The following DNASE1 variants were observed in gnomAD, a reference collection of about 807,000 sequenced individuals.
DNASE1 encodes deoxyribonuclease-1.
Under a neutral mutation model 33.9 loss-of-function variants are expected in DNASE1, and 40 were observed. That is an observed-to-expected ratio of 1.18 (90% confidence interval 0.92 to 1.54). The LOEUF is 1.54. DNASE1 is among the 40% of genes most tolerant of loss of function. DNASE1 has a pLI of 0.00. For missense variants in DNASE1, 518 were observed against 372.6 expected, an observed-to-expected ratio of 1.39 and a Z score of -3.21; for synonymous variants, 216 against 160.0, an observed-to-expected ratio of 1.35 and a Z score of -2.64.
Position 3,655,901 on chromosome 16 carries a change from TGACTGCCGTGGGGAAGCTGCTG to T in DNASE1, c.204_225del (p.Ala69ThrfsTer88). 6.2e-7 allele frequency: 1 copy of T among 1,614,050 alleles called. No homozygotes were observed. The highest frequency in any genetic ancestry group is 2.2e-5 in the East Asian group (1 of 44,880). ...GTCCAGGAGGTCAGAGACAGCCACCTGACTGCCGTGGGGAAGCTGCTGGACAACCTCAATCAGTGGGTGACAG... is the reference window on the plus strand; with the variant it reads ...GTCCAGGAGGTCAGAGACAGCCACCTGACAACCTCAATCAGTGGGTGACAG... On this transcript the variant is annotated frameshift_variant, in exon 3 of 9. Transcript: ENST00000246949. LOFTEE classifies it high-confidence loss of function.
chr16:3,662,572 G>A, downstream of DNASE1: 4 of 596,326 alleles, frequency 6.7e-6, no homozygotes, highest in Admixed American at 8.7e-5. Flanking sequence ...TGAGGGCTGG[G>A]GTAGCATGTC....
At chr16:3,629,269 C>T (rs931378977) in intron 1 of DNASE1, among the ~76,000 whole-genome samples, 1 of 150,544 alleles carries the variant, frequency 6.6e-6, no homozygotes, top group Non-Finnish European at 1.5e-5. Context: ...TTCCCTTGTA[C>T]GTTTAGTTTG....
chr16:3,613,908 ATTTTTTTTTTTT>A (rs200976238), intron 1 of DNASE1, among the ~76,000 whole-genome samples: 17 of 113,150 alleles, frequency 1.5e-4, no homozygotes, highest in African/African-American at 4.9e-4. Context: ...CGCCTGGCTA[ATTTTTTTTTTTT>A]TTTTTTTTTT....
chr16:3,664,352 G>C (rs2050774764), exon 10 of DNASE1: 2 of 1,613,134 alleles, frequency 1.2e-6, no homozygotes, highest in Non-Finnish European at 1.7e-6. Context: ...ACAGGTAGTA[G>C]ATGTTGCGGG....
In DNASE1 at chr16:3,628,861, G is replaced by GT. The variant is rs72529015; in HGVS notation, c.-1358-11841dup. ...GGCGTGAGCCACCGTGCCTGGCTCTGTTTTTTTTTTTTTCTTTAAAAACTT... is the reference window on the plus strand; with the variant it reads ...GGCGTGAGCCACCGTGCCTGGCTCTGTTTTTTTTTTTTTTCTTTAAAAACTT... On this transcript the variant is annotated intron_variant and NMD_transcript_variant, in intron 1 of 11. Coordinates refer to the DNASE1 transcript ENST00000570769. Among the ~76,000 whole-genome samples, 211 of 132,876 alleles carry GT rather than the reference G, an allele frequency of 1.6e-3. No homozygotes were observed. The South Asian group carries it at 0.016, about 10-fold the overall frequency. The allele number at this position is 132,876 out of a possible 152,430, so 87.2% of individuals were successfully genotyped here. A position where few individuals can be genotyped will look rare whatever the true frequency, so the allele number is the denominator to read the frequency against.
chr16:3,642,285 T>C (rs1401716890), upstream of DNASE1, among the ~76,000 whole-genome samples: 5 of 152,226 alleles, frequency 3.3e-5, no homozygotes, highest in African/African-American at 4.8e-5. Context: ...CAGACTGCCA[T>C]GCCCTCCCAT....
intron 1 of DNASE1, among the ~76,000 whole-genome samples, chr16:3,634,249 G>A (rs1414488111): frequency 6.6e-6 from 1 of 151,632 alleles, no homozygotes; most frequent in African/African-American, 2.4e-5. Flanking sequence ...TGTTTTTTGA[G>A]ACAGAGTTTC....
chr16:3,653,826 A>AAAAAAAAAAAAAAAACC (rs1567205849), upstream of DNASE1: 1 of 144,908 alleles, frequency 6.9e-6, no homozygotes, highest in African/African-American at 2.6e-5. Flanking sequence ...AAAAAAAAAA[A>AAAAAAAAAAAAAAAACC]AAAAAAAAAA....
At chr16:3,648,759 T>A in intron 1 of DNASE1, among the ~76,000 whole-genome samples, 1 of 152,250 alleles carries the variant, frequency 6.6e-6, no homozygotes, top group East Asian at 1.9e-4. Flanking sequence ...CTTTCCCTGA[T>A]TGCCTCTTAC....
intron 7 of DNASE1, 109 bp downstream of exon 7, chr16:3,657,450 A>G: frequency 6.9e-7 from 1 of 1,442,870 alleles, no homozygotes. Context: ...CACCCAACTG[A>G]GCTTCAGTTG....
rs779212028 is a variant in DNASE1, at chr16:3,657,029, A to T, written c.467A>T (p.His156Leu). 1.2e-5 allele frequency: 19 copies of T among 1,613,706 alleles called. No individual in the cohort carries two copies. The Admixed American group carries it at 2.5e-4, about 21-fold the overall frequency. The change falls in exon 6 of 9, where the codon CAT (histidine) becomes CTT (leucine). Residue 156 changes from histidine (H) to leucine (L), a missense_variant. Transcript: ENST00000246949. ...AGGGAGTTTGCCATTGTTCCCCTGC[A>T]TGCGGCCCCGGGGGACGCAGTAGCC... is the stretch of plus-strand genomic sequence containing the variant. ...EVREFAIVPLHAAPGDAVAEI... is the reference protein window; with the variant it reads ...EVREFAIVPLLAAPGDAVAEI...
At chr16:3,631,111 C>T (rs1310272785) in intron 1 of DNASE1, among the ~76,000 whole-genome samples, 1 of 152,068 alleles carries the variant, frequency 6.6e-6, no homozygotes, top group East Asian at 1.9e-4. Flanking sequence ...CAACCTCCGC[C>T]TCCTGAGTTC....
At chr16:3,641,894 C>A (rs745445257), upstream of DNASE1, among the ~76,000 whole-genome samples, 1 of 152,222 alleles carries the variant, frequency 6.6e-6, no homozygotes, top group Non-Finnish European at 1.5e-5. Flanking sequence ...CTGGGGAGAA[C>A]TGTGGAACCA....
At chr16:3,658,327 T>C (rs1239401783), downstream of DNASE1, 12 of 981,830 alleles carry the variant, frequency 1.2e-5, no homozygotes, top group Non-Finnish European at 1.9e-5. Flanking sequence ...GAGGCTGGAG[T>C]GCAGAGGCAC....
intron 1 of DNASE1, among the ~76,000 whole-genome samples, chr16:3,637,749 G>C (rs527453959): frequency 2.0e-5 from 3 of 152,160 alleles, no homozygotes; most frequent in Non-Finnish European, 4.4e-5. Context: ...GATCTTGACT[G>C]TGAGAGTCTG....
chr16:3,626,192 A>G (rs1402761125), intron 1 of DNASE1, among the ~76,000 whole-genome samples: 1 of 152,120 alleles, frequency 6.6e-6, no homozygotes, highest in East Asian at 1.9e-4. Context: ...TAATATCTAA[A>G]GAAATCCTAA....
chr16:3,630,155 T>G (rs569281139), intron 1 of DNASE1, among the ~76,000 whole-genome samples: 162 of 144,138 alleles, frequency 1.1e-3, no homozygotes, highest in African/African-American at 4.0e-3. Context: ...GTGTGTGTGT[T>G]TGTTGTTGTT....
chr16:3,664,602 G>T (rs1028725449), exon 10 of DNASE1: 1 of 873,662 alleles, frequency 1.1e-6, no homozygotes, highest in Admixed American at 3.0e-5. Flanking sequence ...GTGGACTCGG[G>T]GGTTGTCCGA....
chr16:3,643,359 G>T (rs1195782363), intron 1 of DNASE1, among the ~76,000 whole-genome samples: 1 of 152,252 alleles, frequency 6.6e-6, no homozygotes, highest in Non-Finnish European at 1.5e-5. Context: ...TGGCAGTTTC[G>T]TGGAGTTAGG....
Sources: gnomAD v4.1 joint callset for allele counts (sites outside exome capture counted in the v4.1 genomes callset) on GRCh38, gnomAD v4.1.1 for gene constraint, MANE v1.5 for transcripts, NCBI Gene and HGNC (gene_info 2026-07-23, HGNC 2026-07-21) for gene names.